The following FIP1L1 variants were observed in gnomAD, a reference collection of about 807,000 sequenced individuals.
FIP1L1 encodes pre-mRNA 3'-end-processing factor FIP1.
In FIP1L1, 21 loss-of-function variants were observed where a neutral mutation model predicts 84.6. The ratio of observed to expected loss-of-function variants is 0.25; its 90% confidence interval spans 0.18 to 0.36. The LOEUF (loss-of-function observed/expected upper bound fraction) is 0.36, where lower values mean the gene tolerates loss of function less well. Ranked by LOEUF, FIP1L1 falls within the 10% of genes least tolerant of loss-of-function variation. The pLI is 1.00. For missense variants in FIP1L1, 526 were observed against 751.1 expected, an observed-to-expected ratio of 0.70 and a Z score of 3.50; for synonymous variants, 263 against 242.3, an observed-to-expected ratio of 1.09 and a Z score of -0.80.
intron 1 of FIP1L1, chr4:53,378,251 C>T (rs74553497): frequency 3.0e-5 from 8 of 263,970 alleles, no homozygotes; most frequent in Non-Finnish European, 5.0e-5. Flanking sequence ...TTGTTTTTTT[C>T]TGTCGATTCT....
At chr4:53,424,162 A>G (rs1185671346) in intron 11 of FIP1L1, among the ~76,000 whole-genome samples, 1 of 152,158 alleles carries the variant, frequency 6.6e-6, no homozygotes, top group Admixed American at 6.5e-5. Context: ...ATAGAGCGAA[A>G]ATAAAAATTT....
At chr4:53,420,429 CAAA>C (rs35693633) in intron 11 of FIP1L1, among the ~76,000 whole-genome samples, 3 of 91,654 alleles carry the variant, frequency 3.3e-5, no homozygotes, top group Admixed American at 2.5e-4. Flanking sequence ...AACTCCATCT[CAAA>C]AAAAAAAAAA....
At chr4:53,450,963 CTTTT>C (rs869294352) in intron 15 of FIP1L1, among the ~76,000 whole-genome samples, 3 of 138,172 alleles carry the variant, frequency 2.2e-5, no homozygotes, top group Non-Finnish European at 3.2e-5. Flanking sequence ...TAAAGCTACT[CTTTT>C]TTTTTTTTTT....
In FIP1L1 at chr4:53,377,719, A is replaced by C; in HGVS notation, c.-120A>C. On this transcript the variant is annotated 5_prime_UTR_variant, in exon 1 of 18. Transcript: ENST00000337488. ...TCGCCTTCCTGGGATTGGAGTCTCG[A>C]GCTTTCTTCGTTCGTTCGTCGGCGG... 8.8e-6 allele frequency: 8 copies of C among 906,112 alleles called. No individual in the cohort carries two copies. In the South Asian group the frequency reaches 1.1e-4, roughly 13 times the overall value. 56.1% of individuals were successfully genotyped at this position (906,112 alleles called of 1,614,324 possible).
At chr4:53,387,717 A>G (rs1741873682) in intron 5 of FIP1L1, among the ~76,000 whole-genome samples, 1 of 152,250 alleles carries the variant, frequency 6.6e-6, no homozygotes, top group South Asian at 2.1e-4. Flanking sequence ...TAAGCCTTTT[A>G]TAAAAATACT....
chr4:53,404,022 TA>T (rs1751714169), intron 10 of FIP1L1, among the ~76,000 whole-genome samples: 2 of 146,818 alleles, frequency 1.4e-5, no homozygotes, highest in African/African-American at 2.5e-5. Context: ...TTTTTTTTTT[TA>T]TTATACTTTA....
chr4:53,453,716 T>C (rs1210035679), intron 16 of FIP1L1, among the ~76,000 whole-genome samples: 3 of 152,204 alleles, frequency 2.0e-5, no homozygotes, highest in South Asian at 2.1e-4. Context: ...CCTCCTGGCC[T>C]AGCCTCTCAA....
chr4:53,417,789 T>A (rs1361917419), intron 11 of FIP1L1, among the ~76,000 whole-genome samples: 10,333 of 102,962 alleles, frequency 0.1, 1,125 homozygotes, highest in African/African-American at 0.26. Context: ...TCTCTCTCTC[T>A]CTCTCTCTCT....
chr4:53,407,104 G>T (rs959263493), intron 10 of FIP1L1, among the ~76,000 whole-genome samples: 3 of 151,776 alleles, frequency 2.0e-5, no homozygotes, highest in African/African-American at 7.3e-5. Flanking sequence ...GTGATGTTAG[G>T]GTGTCAATTT....
At chr4:53,455,184 A>C (rs1718278987) in intron 16 of FIP1L1, among the ~76,000 whole-genome samples, 1 of 152,168 alleles carries the variant, frequency 6.6e-6, no homozygotes, top group Non-Finnish European at 1.5e-5. Context: ...CCAGACACTA[A>C]AACTTTCTCC....
chr4:53,398,679 TTGA>T (rs932214853), intron 9 of FIP1L1, among the ~76,000 whole-genome samples: 1 of 152,138 alleles, frequency 6.6e-6, no homozygotes, highest in South Asian at 2.1e-4. Flanking sequence ...ATTGAATAGT[TTGA>T]TGATAATTTT....
chr4:53,442,395 G>A (rs1254036880), intron 13 of FIP1L1: 1 of 382,812 alleles, frequency 2.6e-6, no homozygotes, highest in East Asian at 4.4e-5. Context: ...AATGGGCTGT[G>A]TGTGGTGCTG....
chr4:53,399,339 T>A (rs1749062779), intron 9 of FIP1L1, among the ~76,000 whole-genome samples: 1 of 152,226 alleles, frequency 6.6e-6, no homozygotes, highest in Admixed American at 6.5e-5. Context: ...ACCTATTGTT[T>A]TCTTAGAATA....
chr4:53,460,829 A>T lies in FIP1L1; in HGVS notation c.*1380A>T, dbSNP rs1198504645. ...ATGTATTCTTTCTTTAAATATAAAA[A>T]CTGACAAGATAAATATAGTGTTTCA... On this transcript the variant is annotated 3_prime_UTR_variant, in exon 18 of 18. Coordinates refer to ENST00000337488, the MANE Select transcript of FIP1L1 (RefSeq NM_030917.4). The T allele has an allele frequency of 3.0e-6, 4 of 1,318,234 alleles. No individual in the cohort carries two copies. In the African/African-American group the frequency reaches 6.1e-5, roughly 20 times the overall value. 81.7% of individuals were successfully genotyped at this position (1,318,234 alleles called of 1,614,324 possible). A position where few individuals can be genotyped will look rare whatever the true frequency, so the allele number is the denominator to read the frequency against.
chr4:53,413,853 C>T (rs557521565), intron 10 of FIP1L1, among the ~76,000 whole-genome samples: 1 of 151,934 alleles, frequency 6.6e-6, no homozygotes, highest in South Asian at 2.1e-4. Flanking sequence ...CAAGAGTATC[C>T]AAAGGTATAT....
chr4:53,457,133 A>AT (rs1719566771), intron 16 of FIP1L1, among the ~76,000 whole-genome samples: 1 of 152,110 alleles, frequency 6.6e-6, no homozygotes, highest in Non-Finnish European at 1.5e-5. Flanking sequence ...AGCACTTTAT[A>AT]AATGTTGTCA....
intron 13 of FIP1L1, among the ~76,000 whole-genome samples, chr4:53,437,551 C>T (rs1578959874): frequency 6.6e-6 from 1 of 151,874 alleles, no homozygotes; most frequent in Non-Finnish European, 1.5e-5. Flanking sequence ...TAGTCCTGGG[C>T]CAGCAACATC....
At chr4:53,399,648 G>T in intron 9 of FIP1L1, 82 bp from the exon 10 acceptor site, 1 of 863,290 alleles carries the variant, frequency 1.2e-6, no homozygotes, top group Admixed American at 2.3e-5. Context: ...ATTAAATGTT[G>T]TAAACTTATT....
chr4:53,442,587 T>G, intron 13 of FIP1L1, 66 bp from the exon 14 acceptor site: 2 of 1,117,506 alleles, frequency 1.8e-6, no homozygotes, highest in Non-Finnish European at 2.7e-6. Context: ...ATGCAGCAAC[T>G]TTGTTTCACT....
Sources: allele counts gnomAD v4.1 joint callset (sites outside exome capture counted in the v4.1 genomes callset), GRCh38; gene constraint gnomAD v4.1.1; transcripts MANE v1.5; gene names NCBI Gene and HGNC (gene_info 2026-07-23, HGNC 2026-07-21).